The following KIF13B variants were observed in gnomAD, a reference collection of about 807,000 sequenced individuals.
KIF13B encodes the protein kinesin family member 13B, also known as kinesin-like protein KIF13B.
A neutral mutation model predicts 222.0 loss-of-function variants in KIF13B; 127 were observed. The observed-to-expected ratio is 0.57, with a 90% CI of 0.50 to 0.66. KIF13B has a LOEUF of 0.66. Ranked by LOEUF, KIF13B falls within the 30% of genes least tolerant of loss-of-function variation. The probability of loss-of-function intolerance (pLI) is 0.00; values close to 1 mark genes in which losing one functional copy is unlikely to be tolerated. For missense variants in KIF13B, 2,173 were observed against 2,379.0 expected (o/e 0.91, Z 1.80); for synonymous variants, 976 against 919.0 (o/e 1.06, Z -1.12).
chr8:29,228,043 G>T (rs1035721147), intron 2 of KIF13B, among the ~76,000 whole-genome samples: 11 of 145,954 alleles, frequency 7.5e-5, no homozygotes, highest in Non-Finnish European at 1.5e-4. Flanking sequence ...TTATAATTTG[G>T]TTTTTTTTTT....
intron 37 of KIF13B, among the ~76,000 whole-genome samples, chr8:29,084,579 C>T (rs1232546973): frequency 2.6e-5 from 4 of 152,158 alleles, no homozygotes; most frequent in Non-Finnish European, 4.4e-5. Context: ...CAAGACAGGC[C>T]GGCATTGTGA....
chr8:29,125,914 C>T (rs922837641), intron 26 of KIF13B, among the ~76,000 whole-genome samples: 1 of 151,958 alleles, frequency 6.6e-6, no homozygotes, highest in Admixed American at 6.6e-5. Flanking sequence ...CGGGACCAGC[C>T]GGGCCAACAT....
At chr8:29,258,480 C>T (rs1816566817) in intron 1 of KIF13B, among the ~76,000 whole-genome samples, 2 of 152,162 alleles carry the variant, frequency 1.3e-5, no homozygotes, top group African/African-American at 4.8e-5. Context: ...GACCAGCCAC[C>T]CTAGGTCCGG....
At chr8:29,187,273 AT>A (rs1812977698) in intron 5 of KIF13B, among the ~76,000 whole-genome samples, 1 of 152,138 alleles carries the variant, frequency 6.6e-6, no homozygotes, top group Non-Finnish European at 1.5e-5. Context: ...CACGCCTGTA[AT>A]CTCAGCACTT....
At chr8:29,176,741 A>C (rs1229680404) in intron 9 of KIF13B, among the ~76,000 whole-genome samples, 4 of 152,138 alleles carry the variant, frequency 2.6e-5, no homozygotes, top group African/African-American at 9.7e-5. Context: ...CCTCCCATGA[A>C]AAGAATTACC....
intron 2 of KIF13B, among the ~76,000 whole-genome samples, chr8:29,221,266 C>T (rs1244115610): frequency 6.6e-6 from 1 of 151,898 alleles, no homozygotes; most frequent in African/African-American, 2.4e-5. Context: ...CCACACCAAG[C>T]TAATTTTTGT....
chr8:29,201,629 C>T lies in KIF13B; in HGVS notation c.150-5430G>A, dbSNP rs541230732. On this transcript the variant is annotated intron_variant, in intron 2 of 39. Transcript: ENST00000524189. ...ATACTGAATCCAAATCCCATCATCT[C>T]TTTTAATTCTAAAGGTCTGAGTTGC... Among the ~76,000 whole-genome samples the T allele has an allele frequency of 2.0e-3, 301 of 152,330 alleles. 1 individual carries two copies. Among genetic ancestry groups the T allele is most frequent in the African/African-American group, 6.6e-3 (276 of 41,580 alleles).
At chr8:29,187,402 G>T (rs1221035614) in intron 5 of KIF13B, among the ~76,000 whole-genome samples, 1 of 152,026 alleles carries the variant, frequency 6.6e-6, no homozygotes, top group Non-Finnish European at 1.5e-5. Flanking sequence ...ACGGTGGCAG[G>T]CACCTGTAGT....
intron 2 of KIF13B, among the ~76,000 whole-genome samples, chr8:29,232,954 G>C (rs897029483): frequency 6.6e-6 from 1 of 151,890 alleles, no homozygotes; most frequent in Non-Finnish European, 1.5e-5. Context: ...TCAGGAGTTC[G>C]AGACCAGCCT....
chr8:29,206,313 T>C (rs1260974580), intron 2 of KIF13B, among the ~76,000 whole-genome samples: 1 of 152,218 alleles, frequency 6.6e-6, no homozygotes, highest in Non-Finnish European at 1.5e-5. Flanking sequence ...ATGGCACACG[T>C]ATGCTGACGC....
At chr8:29,161,314 C>A (rs1209838367) in intron 12 of KIF13B, among the ~76,000 whole-genome samples, 2 of 152,190 alleles carry the variant, frequency 1.3e-5, no homozygotes, top group African/African-American at 2.4e-5. Flanking sequence ...TCACAAGGCC[C>A]TTCAACCTGG....
Position 29,160,786 on chromosome 8 carries a change from C to T in KIF13B, c.1351G>A (p.Val451Met). 1 of 1,613,618 alleles carries T rather than the reference C, an allele frequency of 6.2e-7. No homozygotes were observed. The highest frequency in any genetic ancestry group is 8.5e-7 in the Non-Finnish European group (1 of 1,179,686). Reference protein sequence around the residue: ...IKVGDDKCFLVNLNADPALNE... With the variant: ...IKVGDDKCFLMNLNADPALNE... Reference sequence around the variant, plus strand: ...AGAGCTGGGTCAGCATTCAGATTCACAAGGAAGCATTTATCATCCCCAACT... The same window carrying T: ...AGAGCTGGGTCAGCATTCAGATTCATAAGGAAGCATTTATCATCCCCAACT... The change falls in exon 13 of 40, where the codon GTG becomes ATG. Residue 451 changes from valine to methionine, a missense_variant. Physicochemically the swap from Val to Met is conservative, Grantham distance 21 (BLOSUM62 1). Transcript: ENST00000524189.
At chr8:29,228,324 G>A (rs1444772700) in intron 2 of KIF13B, among the ~76,000 whole-genome samples, 3 of 151,264 alleles carry the variant, frequency 2.0e-5, no homozygotes, top group Non-Finnish European at 4.4e-5. Flanking sequence ...GAAATTAGCC[G>A]GACATGGTGG....
intron 13 of KIF13B, 39 bp from the exon 14 acceptor site, chr8:29,155,895 T>C (rs1004242363): frequency 6.9e-7 from 1 of 1,457,636 alleles, no homozygotes; most frequent in Non-Finnish European, 9.4e-7. Flanking sequence ...TACTGTATTC[T>C]TACATATACA....
At chr8:29,147,840 A>G (rs1811125653) in intron 16 of KIF13B, among the ~76,000 whole-genome samples, 5 of 152,242 alleles carry the variant, frequency 3.3e-5, no homozygotes, top group Admixed American at 3.3e-4. Flanking sequence ...TTCTACACAT[A>G]ACCTAAGACA....
intron 15 of KIF13B, among the ~76,000 whole-genome samples, chr8:29,149,598 G>T (rs1468896225): frequency 1.3e-5 from 2 of 152,220 alleles, no homozygotes; most frequent in African/African-American, 4.8e-5. Flanking sequence ...GGAGAAGATT[G>T]CTGGGGACTC....
intron 10 of KIF13B, among the ~76,000 whole-genome samples, chr8:29,168,725 T>C (rs562733662): frequency 8.5e-5 from 13 of 152,244 alleles, no homozygotes; most frequent in African/African-American, 1.7e-4. Flanking sequence ...GAGATGATGA[T>C]GACGGCAGCC....
chr8:29,162,533 T>C (rs1811826076), intron 12 of KIF13B, among the ~76,000 whole-genome samples: 1 of 152,200 alleles, frequency 6.6e-6, no homozygotes, highest in African/African-American at 2.4e-5. Context: ...AAAAGACTCA[T>C]GTCCATAAGA....
At chr8:29,171,474 T>C (rs148688721) in intron 10 of KIF13B, among the ~76,000 whole-genome samples, 309 of 152,200 alleles carry the variant, frequency 2.0e-3, no homozygotes, top group African/African-American at 7.1e-3. Context: ...AGATGGGCAA[T>C]TGTACAAGTT....
Sources: gnomAD v4.1 joint callset for allele counts (sites outside exome capture counted in the v4.1 genomes callset) on GRCh38, gnomAD v4.1.1 for gene constraint, MANE v1.5 for transcripts, NCBI Gene and HGNC (gene_info 2026-07-23, HGNC 2026-07-21) for gene names.